The following LRRC4C variants were observed in gnomAD, a reference collection of about 807,000 sequenced individuals.
LRRC4C encodes leucine-rich repeat-containing protein 4C.
LRRC4C carries 5 observed loss-of-function variants against 33.6 expected under a neutral mutation model. That is an observed-to-expected ratio of 0.15 (90% CI 0.08 to 0.31). The LOEUF (loss-of-function observed/expected upper bound fraction) is 0.31. Ranked by LOEUF, LRRC4C falls within the 10% of genes least tolerant of loss-of-function variation. The pLI is 1.00. For missense variants in LRRC4C, 560 were observed against 796.7 expected, an observed-to-expected ratio of 0.70 and a Z score of 3.58; for synonymous variants, 329 against 302.0, an observed-to-expected ratio of 1.09 and a Z score of -0.93.
intron 1 of LRRC4C, among the ~76,000 whole-genome samples, chr11:41,158,274 C>T (rs1025597537): frequency 4.6e-5 from 7 of 152,062 alleles, no homozygotes; most frequent in African/African-American, 1.2e-4. Flanking sequence ...GAGCACATGT[C>T]CCCTAGTTAC....
intron 2 of LRRC4C, among the ~76,000 whole-genome samples, chr11:40,804,125 T>G (rs912329587): frequency 1.3e-5 from 2 of 152,122 alleles, no homozygotes; most frequent in African/African-American, 4.8e-5. Flanking sequence ...CTAATTTTAG[T>G]AAAAATGGCC....
chr11:40,262,809 C>T (rs901505260), intron 4 of LRRC4C, among the ~76,000 whole-genome samples: 12 of 151,952 alleles, frequency 7.9e-5, no homozygotes, highest in Admixed American at 2.6e-4. Context: ...GGGAGGGGAA[C>T]ATCACACACC....
chr11:40,804,163 A>G (rs936953312), intron 2 of LRRC4C, among the ~76,000 whole-genome samples: 2 of 152,094 alleles, frequency 1.3e-5, no homozygotes, highest in Non-Finnish European at 2.9e-5. Flanking sequence ...AAAAATACCA[A>G]TCTTCTCATA....
At chr11:40,309,086 T>C (rs1945177270) in intron 4 of LRRC4C, among the ~76,000 whole-genome samples, 1 of 152,230 alleles carries the variant, frequency 6.6e-6, no homozygotes, top group Non-Finnish European at 1.5e-5. Flanking sequence ...TATTGTAGCA[T>C]ATTCACGGTT....
intron 5 of LRRC4C, among the ~76,000 whole-genome samples, chr11:40,150,054 T>C (rs946883742): frequency 9.9e-5 from 15 of 152,218 alleles, no homozygotes; most frequent in African/African-American, 2.7e-4. Context: ...GAATTCTTCC[T>C]TGCTTTTTCC....
intron 3 of LRRC4C, among the ~76,000 whole-genome samples, chr11:40,358,478 A>G (rs553431043): frequency 6.6e-6 from 1 of 152,006 alleles, no homozygotes; most frequent in Non-Finnish European, 1.5e-5. Flanking sequence ...ATGGGGTTTC[A>G]CCGTGTTGGC....
intron 1 of LRRC4C, among the ~76,000 whole-genome samples, chr11:40,988,006 T>C (rs950484050): frequency 2.6e-5 from 4 of 152,048 alleles, no homozygotes; most frequent in African/African-American, 9.7e-5. Flanking sequence ...GATCAATGCT[T>C]GGGAGATTTT....
At chr11:40,164,816 T>C (rs754554929) in intron 5 of LRRC4C, among the ~76,000 whole-genome samples, 2 of 152,180 alleles carry the variant, frequency 1.3e-5, no homozygotes, top group Non-Finnish European at 2.9e-5. Flanking sequence ...ATACCCTGAT[T>C]TGATCATTAC....
intron 2 of LRRC4C, among the ~76,000 whole-genome samples, chr11:40,663,345 T>A (rs1261747805): frequency 1.3e-5 from 2 of 152,196 alleles, no homozygotes; most frequent in Non-Finnish European, 2.9e-5. Flanking sequence ...CCTCCCAAAG[T>A]GTTGGGATTA....
chr11:41,155,111 G>A (rs1422341762), intron 1 of LRRC4C, among the ~76,000 whole-genome samples: 1 of 152,090 alleles, frequency 6.6e-6, no homozygotes, highest in Admixed American at 6.6e-5. Context: ...AGCTTTGTCT[G>A]TCTCTGAGCT....
chr11:40,889,005 C>T (rs1023028610), intron 2 of LRRC4C, among the ~76,000 whole-genome samples: 1 of 151,944 alleles, frequency 6.6e-6, no homozygotes, highest in Admixed American at 6.6e-5. Flanking sequence ...GTCCTTCCTT[C>T]CTGGAGGGCA....
chr11:40,666,144 G>A (rs1485402037), intron 2 of LRRC4C, among the ~76,000 whole-genome samples: 5 of 151,936 alleles, frequency 3.3e-5, no homozygotes, highest in Non-Finnish European at 5.9e-5. Flanking sequence ...ACTACTCTTC[G>A]ACAGTCAAAG....
In LRRC4C at chr11:40,850,136, T is replaced by C. The variant is rs533150255; in HGVS notation, c.-407+83499A>G. ...CATTCTGAAGCCTATTTCTGTCAAT[T>C]CATCAAACTCATTCTCCATCCAGTT... On this transcript the variant is annotated intron_variant, in intron 2 of 6. Transcript: ENST00000528697. Among the ~76,000 whole-genome samples the C allele has an allele frequency of 2.9e-4, 44 of 152,138 alleles. 1 individual carries two copies. The South Asian group carries it at 8.3e-3, about 29-fold the overall frequency.
chr11:41,296,898 A>G (rs1950159636), intron 1 of LRRC4C, among the ~76,000 whole-genome samples: 1 of 152,184 alleles, frequency 6.6e-6, no homozygotes, highest in South Asian at 2.1e-4. Context: ...ATTTGTCAAT[A>G]TTTTAATAAA....
chr11:40,549,471 A>G (rs1045175306), intron 3 of LRRC4C, among the ~76,000 whole-genome samples: 4 of 152,204 alleles, frequency 2.6e-5, no homozygotes, highest in African/African-American at 9.6e-5. Flanking sequence ...CTGGAAGTTG[A>G]ACTACAGAGC....
intron 2 of LRRC4C, among the ~76,000 whole-genome samples, chr11:40,886,956 G>T (rs1359070499): frequency 7.2e-6 from 1 of 138,452 alleles, no homozygotes; most frequent in Non-Finnish European, 1.5e-5. Context: ...ATACACGTGT[G>T]TGTATATATA....
intron 1 of LRRC4C, among the ~76,000 whole-genome samples, chr11:41,338,116 G>C (rs1190767387): frequency 2.6e-5 from 4 of 152,198 alleles, no homozygotes; most frequent in African/African-American, 9.6e-5. Context: ...TTCAACCATT[G>C]TGGAGACAGT....
chr11:41,193,647 T>C (rs1946059119), intron 1 of LRRC4C, among the ~76,000 whole-genome samples: 1 of 151,988 alleles, frequency 6.6e-6, no homozygotes, highest in African/African-American at 2.4e-5. Flanking sequence ...AAACACCAAA[T>C]AGTCATCACA....
intron 1 of LRRC4C, among the ~76,000 whole-genome samples, chr11:41,433,057 A>G (rs189056832): frequency 2.0e-5 from 3 of 152,266 alleles, no homozygotes; most frequent in African/African-American, 7.2e-5. Flanking sequence ...TTCTCCTCTC[A>G]ATGCCTCAAT....
Sources: allele counts gnomAD v4.1 joint callset (sites outside exome capture counted in the v4.1 genomes callset), GRCh38; gene constraint gnomAD v4.1.1; transcripts MANE v1.5; gene names NCBI Gene and HGNC (gene_info 2026-07-23, HGNC 2026-07-21).